FMN1: variants seen among roughly 807,000 people sequenced by gnomAD.
FMN1 encodes formin 1, also known as formin-1.
A neutral mutation model predicts 132.4 loss-of-function variants in FMN1; 110 were observed. The observed-to-expected ratio is 0.83, with a 90% CI of 0.71 to 0.97. FMN1 has a LOEUF of 0.97. Among genes scored for constraint, FMN1 ranks in the 50% least tolerant of loss-of-function variants. The pLI is 0.00. For missense variants in FMN1, 1,792 were observed against 1,705.3 expected, an observed-to-expected ratio of 1.05 and a Z score of -0.90; for synonymous variants, 722 against 651.7, an observed-to-expected ratio of 1.11 and a Z score of -1.64.
At chr15:33,025,030 T>A (rs1223394816) in intron 6 of FMN1, among the ~76,000 whole-genome samples, 5 of 152,216 alleles carry the variant, frequency 3.3e-5, no homozygotes, top group Non-Finnish European at 7.3e-5. Context: ...ATCCACTGTT[T>A]TGAGACTTTA....
Position 33,066,647 on chromosome 15 carries a change from G to A in FMN1, c.2044-1573C>T, listed in dbSNP as rs781446079. On this transcript the variant is annotated intron_variant, in intron 5 of 20. Transcript: ENST00000616417. ...GGTGTCAGCTGTGGTCCCCTTTCTG[G>A]GGGGCCGGATGAATAGGGCTTTAAA... The A allele has an allele frequency of 2.5e-6, 4 of 1,613,808 alleles. No homozygotes were observed. In the Admixed American group the frequency reaches 6.7e-5, roughly 27 times the overall value.
At chr15:33,005,340 A>G (rs915562927) in intron 7 of FMN1, among the ~76,000 whole-genome samples, 1 of 152,222 alleles carries the variant, frequency 6.6e-6, no homozygotes, top group Non-Finnish European at 1.5e-5. Flanking sequence ...TACTAGTATC[A>G]TCAAAAGAGC....
rs1193960114 is a variant in FMN1 at position 32,778,114 on chromosome 15, A to G, written c.4131-1195T>C. ...ATTTATTATATATTATGTATAATATATAATACATTTATTATATATTATGTA... is the reference window on the plus strand; with the variant it reads ...ATTTATTATATATTATGTATAATATGTAATACATTTATTATATATTATGTA... On this transcript the variant is annotated intron_variant, in intron 19 of 20. Transcript: ENST00000616417. 5.9e-5 allele frequency among the ~76,000 whole-genome samples: 5 copies of G among 84,730 alleles called. 2 individuals carry two copies. Among genetic ancestry groups the G allele is most frequent in the African/African-American group, 2.3e-4 (5 of 21,544 alleles). The allele number at this position is 84,730 out of a possible 152,430, so 55.6% of individuals were successfully genotyped here. A position where few individuals can be genotyped will look rare whatever the true frequency, so the allele number is the denominator to read the frequency against.
intron 19 of FMN1, among the ~76,000 whole-genome samples, chr15:32,778,852 T>C (rs2056574301): frequency 6.6e-6 from 1 of 152,100 alleles, no homozygotes; most frequent in Non-Finnish European, 1.5e-5. Flanking sequence ...GATGTCTATA[T>C]AAAAATTTGC....
intron 19 of FMN1, among the ~76,000 whole-genome samples, chr15:32,781,783 A>G (rs908721110): frequency 5.9e-5 from 9 of 152,214 alleles, no homozygotes; most frequent in Admixed American, 2.0e-4. Flanking sequence ...TCATCTCTTT[A>G]AAGTGTGAAT....
Position 32,774,209 on chromosome 15 carries a change from A to G in FMN1, c.*101T>C, listed in dbSNP as rs1050026926. ...AAGAGATGAGCAAAAACAAACATTT[A>G]GTGACACATCTTTCAAGAACGTCCT... On this transcript the variant is annotated 3_prime_UTR_variant, in exon 21 of 21. Transcript: ENST00000616417. 6 of 899,930 alleles carry G rather than the reference A, an allele frequency of 6.7e-6. No homozygotes were observed. The African/African-American group carries it at 1.0e-4, about 15-fold the overall frequency. The allele number at this position is 899,930 out of a possible 1,614,324, so 55.7% of individuals were successfully genotyped here. A position where few individuals can be genotyped will look rare whatever the true frequency, so the allele number is the denominator to read the frequency against.
chr15:33,125,053 A>G (rs1962921238), intron 4 of FMN1, among the ~76,000 whole-genome samples: 1 of 152,142 alleles, frequency 6.6e-6, no homozygotes, highest in East Asian at 1.9e-4. Flanking sequence ...TGCTTAAACA[A>G]TTTAAAGCGA....
At chr15:33,067,238 T>C (rs373758018) in intron 5 of FMN1, 82 of 1,613,348 alleles carry the variant, frequency 5.1e-5, no homozygotes, top group Non-Finnish European at 6.7e-5. Context: ...AGCTTCCAGT[T>C]TGCTGCTCAT....
At chr15:32,776,223 T>C (rs2056412902) in intron 20 of FMN1, among the ~76,000 whole-genome samples, 1 of 152,224 alleles carries the variant, frequency 6.6e-6, no homozygotes, top group Non-Finnish European at 1.5e-5. Context: ...ACCATGTAGC[T>C]ATTCTGACTA....
intron 7 of FMN1, among the ~76,000 whole-genome samples, chr15:33,005,906 CCTTTTCTT>C: frequency 6.6e-6 from 1 of 152,260 alleles, no homozygotes; most frequent in African/African-American, 2.4e-5. Context: ...TCCCTCCTCT[CCTTTTCTT>C]CTAGGAGACA....
chr15:32,881,326 A>G (rs1351624396), intron 16 of FMN1, among the ~76,000 whole-genome samples: 2 of 151,572 alleles, frequency 1.3e-5, no homozygotes, highest in Non-Finnish European at 2.9e-5. Flanking sequence ...ACCTCCTATC[A>G]CTCCTGGATT....
Position 33,154,140 on chromosome 15 carries a change from C to A in FMN1, c.775G>T (p.Asp259Tyr), listed in dbSNP as rs1434925967. The A allele has an allele frequency of 6.5e-7, 1 of 1,536,346 alleles. No homozygotes were observed. ...GFGSFETAFK[D>Y]TGLGREVLPP... is the part of the protein sequence containing the mutation. ...AGCACTTCTCTTCCAAGCCCAGTGT[C>A]CTTGAAAGCCGTCTCAAAGCTCCCA... Residue 259 changes from aspartate (D) to tyrosine (Y), a missense_variant, in exon 4 of 21, where the codon GAC (aspartate) becomes TAC (tyrosine). Physicochemically the swap from Asp to Tyr is radical, Grantham distance 160. Around this residue, in one of 3 missense-constraint regions of FMN1, gnomAD observed 638 missense variants for 645.2 expected, o/e 0.99. Coordinates refer to ENST00000616417, the MANE Select transcript of FMN1 (RefSeq NM_001277313.2).
chr15:33,057,265 G>A (rs1043701754), intron 6 of FMN1, among the ~76,000 whole-genome samples: 2 of 152,104 alleles, frequency 1.3e-5, no homozygotes, highest in Non-Finnish European at 2.9e-5. Flanking sequence ...AATTGGAAGG[G>A]GGCAAGAAGG....
At chr15:32,820,775 C>T (rs1014305618) in intron 17 of FMN1, among the ~76,000 whole-genome samples, 2 of 152,184 alleles carry the variant, frequency 1.3e-5, no homozygotes, top group African/African-American at 4.8e-5. Flanking sequence ...CTGCAAATTA[C>T]ATAGATTTTG....
intron 16 of FMN1, among the ~76,000 whole-genome samples, chr15:32,862,330 TTC>T (rs1026688306): frequency 2.4e-4 from 37 of 152,302 alleles, no homozygotes; most frequent in African/African-American, 8.4e-4. Flanking sequence ...CAGGTTCTCT[TTC>T]TGTTATTTTT....
At chr15:33,121,582 G>A (rs558436049) in intron 4 of FMN1, among the ~76,000 whole-genome samples, 8 of 152,288 alleles carry the variant, frequency 5.3e-5, no homozygotes, top group African/African-American at 1.9e-4. Flanking sequence ...AGGGTAGAGT[G>A]CAGTGGCGCA....
At position 32,918,737 on chromosome 15, in the gene FMN1, C is replaced by T. The variant is rs755796450; in HGVS notation, c.3226+7437G>A. Among the ~76,000 whole-genome samples, 3 of 152,260 alleles carry T rather than the reference C, an allele frequency of 2.0e-5. No individual in the cohort carries two copies. In the East Asian group the frequency reaches 5.8e-4, roughly 29 times the overall value. ...CAGTTTGGGTTAAGCTGCTTCTGTTCGTCCATTAGTTCTGGTTCTTTTAAG... is the reference window on the plus strand; with the variant it reads ...CAGTTTGGGTTAAGCTGCTTCTGTTTGTCCATTAGTTCTGGTTCTTTTAAG... On this transcript the variant is annotated intron_variant, in intron 10 of 20. Coordinates refer to ENST00000616417, the MANE Select transcript of FMN1 (RefSeq NM_001277313.2).
rs772302336 is a variant in FMN1, at chr15:33,067,102, A to T, written c.2044-2028T>A. 3.7e-6 allele frequency: 6 copies of T among 1,613,990 alleles called. No homozygotes were observed. In the South Asian group the frequency reaches 6.6e-5, roughly 18 times the overall value. ...ACTTCTCTCCAGAGACTTCTTTTTT[A>T]GAAGAGGCACTCTCAGTGATACCAA... On this transcript the variant is annotated intron_variant, in intron 5 of 20. Transcript: ENST00000616417.
chr15:33,182,633 T>C (rs1037997550), intron 2 of FMN1, among the ~76,000 whole-genome samples: 1 of 152,296 alleles, frequency 6.6e-6, no homozygotes, highest in South Asian at 2.1e-4. Flanking sequence ...AGGAGTTACA[T>C]AGGGTGATGC....
Sources: gnomAD v4.1 joint callset for allele counts (sites outside exome capture counted in the v4.1 genomes callset) on GRCh38, gnomAD v4.1.1 for gene constraint, gnomAD v4.1.1 regional missense constraint, MANE v1.5 for transcripts, NCBI Gene and HGNC (gene_info 2026-07-23, HGNC 2026-07-21) for gene names.